SYT14: variants seen among roughly 807,000 people sequenced by gnomAD.
The protein encoded by SYT14 is synaptotagmin-14.
A neutral mutation model predicts 74.2 loss-of-function variants in SYT14; 32 were observed. The ratio of observed to expected loss-of-function variants is 0.43; its 90% CI spans 0.33 to 0.58. The LOEUF is 0.58. Ranked by LOEUF, SYT14 falls within the 20% of genes least tolerant of loss-of-function variation. SYT14 has a pLI of 0.05. For missense variants in SYT14, 791 were observed against 981.8 expected, an observed-to-expected ratio of 0.81 and a Z score of 2.60; for synonymous variants, 298 against 337.7, an observed-to-expected ratio of 0.88 and a Z score of 1.29.
At chr1:210,033,283 C>T (rs2102998785) in intron 5 of SYT14, among the ~76,000 whole-genome samples, 1 of 151,872 alleles carries the variant, frequency 6.6e-6, no homozygotes, top group East Asian at 1.9e-4. Flanking sequence ...ATATGTTTCT[C>T]TGGCTTCATT....
intron 7 of SYT14, among the ~76,000 whole-genome samples, chr1:210,109,734 G>A (rs993883184): frequency 3.3e-5 from 5 of 152,156 alleles, no homozygotes; most frequent in African/African-American, 1.2e-4. Flanking sequence ...TCTAGAACCA[G>A]AAATACCATT....
At position 209,977,107 on chromosome 1, in the gene SYT14, C is replaced by T. The variant is rs565114542; in HGVS notation, c.-486+24351C>T. Among the ~76,000 whole-genome samples, 13 of 152,146 alleles carry T rather than the reference C, an allele frequency of 8.5e-5. No individual in the cohort carries two copies. In the South Asian group the frequency reaches 1.7e-3, roughly 19 times the overall value. The stretch of plus-strand genomic sequence containing the variant: ...TTTTGAGCCTATGTGTGTCTCTGCA[C>T]GTGAGATGGGTTCCCTGAATACAGC... On this transcript the variant is annotated intron_variant, in intron 2 of 9. Coordinates refer to ENST00000637265, the Ensembl canonical transcript of SYT14.
At chr1:209,973,110 T>G (rs926076229) in intron 2 of SYT14, among the ~76,000 whole-genome samples, 6 of 152,200 alleles carry the variant, frequency 3.9e-5, no homozygotes, top group Non-Finnish European at 5.9e-5. Context: ...TCTCTGTCCT[T>G]TTTTATTGTT....
At chr1:210,116,796 A>G (rs746575475) in intron 7 of SYT14, among the ~76,000 whole-genome samples, 2 of 152,172 alleles carry the variant, frequency 1.3e-5, no homozygotes, top group Non-Finnish European at 2.9e-5. Flanking sequence ...TATTTTTCAT[A>G]GTATCTAAAA....
chr1:209,999,894 G>C (rs1330218989), intron 2 of SYT14, among the ~76,000 whole-genome samples: 1 of 152,114 alleles, frequency 6.6e-6, no homozygotes, highest in African/African-American at 2.4e-5. Context: ...AAATCTAGAA[G>C]AGAGGACTTG....
At position 210,014,791 on chromosome 1, in the gene SYT14, A is replaced by G. The variant is rs531887865; in HGVS notation, c.-320-893A>G. 2.0e-4 allele frequency among the ~76,000 whole-genome samples: 31 copies of G among 152,236 alleles called. No homozygotes were observed. The South Asian group carries it at 6.2e-3, about 31-fold the overall frequency. Reference sequence around the variant, plus strand: ...CTGCTTTTTGATCATTTGTGCAGAAAGAACTGGCTAAAAGTATCTCTTTAC... The same window carrying G: ...CTGCTTTTTGATCATTTGTGCAGAAGGAACTGGCTAAAAGTATCTCTTTAC... On this transcript the variant is annotated intron_variant, in intron 3 of 9. Transcript: ENST00000637265.
intron 2 of SYT14, among the ~76,000 whole-genome samples, chr1:210,007,146 T>G (rs2080004820): frequency 6.6e-6 from 1 of 151,958 alleles, no homozygotes; most frequent in Non-Finnish European, 1.5e-5. Context: ...TTTTTAAGTT[T>G]ATTTTTTGTA....
Position 210,015,987 on chromosome 1 carries a change from G to A in SYT14, c.-17G>A, listed in dbSNP as rs145608649. 5.3e-5 allele frequency: 65 copies of A among 1,231,846 alleles called. 1 individual carries two copies. In the East Asian group the frequency reaches 2.0e-3, roughly 38 times the overall value. 76.3% of individuals were successfully genotyped at this position (1,231,846 alleles called of 1,614,324 possible). A position where few individuals can be genotyped will look rare whatever the true frequency, so the allele number is the denominator to read the frequency against. The stretch of plus-strand genomic sequence containing the variant: ...AAAATTCCATTATTGCACCTTTTAG[G>A]AACAAGGAATTAGAAAATGGCATTT... On this transcript the variant is annotated 5_prime_UTR_variant, in exon 4 of 10. Coordinates refer to ENST00000637265, the Ensembl canonical transcript of SYT14.
intron 7 of SYT14, among the ~76,000 whole-genome samples, chr1:210,124,191 A>C (rs553218972): frequency 6.6e-6 from 1 of 152,014 alleles, no homozygotes; most frequent in Non-Finnish European, 1.5e-5. Flanking sequence ...AAAATTTACT[A>C]TCTGGCCCTT....
exon 10 of SYT14, chr1:210,165,299 G>C (rs1048782478): frequency 1.3e-5 from 2 of 151,994 alleles, no homozygotes; most frequent in Non-Finnish European, 2.9e-5. Flanking sequence ...CAGAACTAAG[G>C]GGGAAAAAAC....
chr1:210,158,670 GTA>G (rs761662894), intron 8 of SYT14, among the ~76,000 whole-genome samples: 4 of 152,056 alleles, frequency 2.6e-5, no homozygotes, highest in Non-Finnish European at 4.4e-5. Flanking sequence ...TACAGAATAG[GTA>G]TAGCAATTGC....
chr1:209,981,549 T>C (rs774195666), intron 2 of SYT14, among the ~76,000 whole-genome samples: 1 of 151,106 alleles, frequency 6.6e-6, no homozygotes, highest in Non-Finnish European at 1.5e-5. Context: ...CTTCTGTGCT[T>C]AGGCAGTCCT....
At chr1:209,966,599 G>C (rs2079161879) in intron 2 of SYT14, among the ~76,000 whole-genome samples, 1 of 151,842 alleles carries the variant, frequency 6.6e-6, no homozygotes, top group Admixed American at 6.6e-5. Context: ...TTTTAATGTT[G>C]TAAATAGAAA....
At position 210,100,541 on chromosome 1, in the gene SYT14, A is replaced by T. The variant is rs2494187; in HGVS notation, c.2034+80A>T. 0.12 allele frequency: 175,286 copies of T among 1,411,730 alleles called. 12,080 individuals are homozygous for T. Among genetic ancestry groups the T allele is most frequent in the Non-Finnish European group, 0.13 (135,953 of 1,008,246 alleles). The allele number at this position is 1,411,730 out of a possible 1,614,324, so 87.5% of individuals were successfully genotyped here. ...GCACAATTTTAAAAATCTTTAATCA[A>T]GCCAACAAGTTTGTCAGTCTATTTT... On this transcript the variant is annotated intron_variant, in intron 7 of 9. Transcript: ENST00000637265.
At chr1:210,075,364 CAG>C (rs375472203) in intron 5 of SYT14, among the ~76,000 whole-genome samples, 22 of 124,618 alleles carry the variant, frequency 1.8e-4, no homozygotes, top group African/African-American at 6.9e-4. Context: ...TTTTTTGAGA[CAG>C]AGTCTCCCTC....
chr1:210,008,973 A>C (rs530249963), intron 2 of SYT14, among the ~76,000 whole-genome samples: 10 of 152,164 alleles, frequency 6.6e-5, no homozygotes, highest in Non-Finnish European at 1.2e-4. Context: ...GGGAAGAAGA[A>C]TGGTCTTGGG....
chr1:210,094,676 T>A, intron 6 of SYT14, 83 bp downstream of exon 5: 1 of 1,469,140 alleles, frequency 6.8e-7, no homozygotes. Context: ...GTAAGAAGAA[T>A]TGATTTTATC....
chr1:210,120,930 A>G (rs560051554), intron 7 of SYT14, among the ~76,000 whole-genome samples: 2 of 152,272 alleles, frequency 1.3e-5, no homozygotes, highest in East Asian at 3.9e-4. Context: ...AAGAATTACT[A>G]GATAGGAGAA....
At chr1:210,062,489 ATTAG>A in intron 5 of SYT14, among the ~76,000 whole-genome samples, 1 of 152,032 alleles carries the variant, frequency 6.6e-6, no homozygotes, top group East Asian at 1.9e-4. Flanking sequence ...TTCACAGATT[ATTAG>A]TTGATTGCTC....
Sources: allele counts gnomAD v4.1 joint callset (sites outside exome capture counted in the v4.1 genomes callset), GRCh38; gene constraint gnomAD v4.1.1; transcripts MANE v1.5; gene names NCBI Gene and HGNC (gene_info 2026-07-23, HGNC 2026-07-21).